The following GNL1 variants were observed in gnomAD, a reference collection of about 807,000 sequenced individuals.
GNL1 encodes the protein guanine nucleotide-binding protein-like 1.
In GNL1, 21 loss-of-function variants were observed where a neutral mutation model predicts 75.2. That is an observed-to-expected ratio of 0.28 (90% CI 0.20 to 0.40). GNL1 has a LOEUF of 0.40. Among genes scored for constraint, GNL1 ranks in the 10% least tolerant of loss-of-function variants. The pLI is 1.00. For synonymous variants in GNL1, 287 were observed against 303.4 expected (o/e 0.95, Z 0.56); for missense variants, 579 against 775.0 (o/e 0.75, Z 3.00).
chr6:30,547,669 C>A lies in GNL1; in HGVS notation c.1100-139G>T. The A allele has an allele frequency of 1.4e-6, 1 of 732,874 alleles. No homozygotes were observed. Among genetic ancestry groups the A allele is most frequent in the Non-Finnish European group, 2.2e-6 (1 of 448,094 alleles). 45.4% of individuals were successfully genotyped at this position (732,874 alleles called of 1,614,324 possible). ...TGCAGAATACAAATCACGCTCTGGG[C>A]TGCCAGGGTTAAATCCTGGCCCTTC... On this transcript the variant is annotated intron_variant, in intron 8 of 11. Transcript: ENST00000376621. This position sits in a 1 kb window ranked among gnomAD's most constrained non-coding sequence, Gnocchi z 5.5.
In GNL1 at chr6:30,546,301, G is replaced by A; in HGVS notation, c.1595C>T (p.Ser532Phe). 1 of 1,593,786 alleles carries A rather than the reference G, an allele frequency of 6.3e-7. No homozygotes were observed. The highest frequency in any genetic ancestry group is 8.5e-7 in the Non-Finnish European group (1 of 1,170,838). ...CACCAGCTCCGTGGTCTCTGGATGG[G>A]ACTCCCAGGTGCCTGGGGAACCAAA... ...GYSEQKGTWE[S>F]HPETTELVVL... The change falls in exon 12 of 12, where the codon TCC (serine) becomes TTC (phenylalanine). Residue 532 changes from serine (S) to phenylalanine (F), a missense_variant. Physicochemically the swap from Ser to Phe is radical, Grantham distance 155. Transcript: ENST00000376621. This position sits in a 1 kb window ranked among gnomAD's most constrained non-coding sequence, Gnocchi z 5.1.
intron 7 of GNL1, 83 bp downstream of exon 7, chr6:30,553,001 G>C (rs1206177070): frequency 2.1e-6 from 2 of 954,048 alleles, no homozygotes; most frequent in Non-Finnish European, 3.3e-6. Context: ...AGAGGGGTTG[G>C]CTTCAGGAAA....
rs771733546 is a variant in GNL1 at position 30,555,785 on chromosome 6, C to T, written c.74-65G>A. 14 of 1,521,558 alleles carry T rather than the reference C, an allele frequency of 9.2e-6. No individual in the cohort carries two copies. Among genetic ancestry groups the T allele is most frequent in the Non-Finnish European group, 1.3e-5 (14 of 1,108,014 alleles). 94.3% of individuals were successfully genotyped at this position (1,521,558 alleles called of 1,614,324 possible). A position where few individuals can be genotyped will look rare whatever the true frequency, so the allele number is the denominator to read the frequency against. Reference sequence around the variant, plus strand: ...TCAGGGGCCATAAGACCCTCTCCCCCATCGGCCTGACTCCCTTTCATCCCA... The same window carrying T: ...TCAGGGGCCATAAGACCCTCTCCCCTATCGGCCTGACTCCCTTTCATCCCA... On this transcript the variant is annotated intron_variant, in intron 1 of 11. Transcript: ENST00000376621. The surrounding 1 kb of genome is among the most constrained non-coding windows in gnomAD (Gnocchi z 4.3).
chr6:30,553,260 G>A (rs1483672150), intron 6 of GNL1, 81 bp from the exon 7 acceptor site: 3 of 1,430,408 alleles, frequency 2.1e-6, no homozygotes, highest in Non-Finnish European at 3.0e-6. Flanking sequence ...CCAAGACCAG[G>A]TGCCCCCTTG....
In GNL1 at chr6:30,549,318, A is replaced by G. The variant is rs560085630; in HGVS notation, c.1100-1788T>C. On this transcript the variant is annotated intron_variant, in intron 8 of 11. Transcript: ENST00000376621. The stretch of plus-strand genomic sequence containing the variant: ...CGGCCGCCACTCATCCTTCTTGATC[A>G]TAATCCTCTCCCTCTATACATGCAA... Among the ~76,000 whole-genome samples, 6 of 152,224 alleles carry G rather than the reference A, an allele frequency of 3.9e-5. No individual in the cohort carries two copies. In the South Asian group the frequency reaches 1.2e-3, roughly 32 times the overall value.
intron 8 of GNL1, among the ~76,000 whole-genome samples, chr6:30,549,572 G>A (rs757963479): frequency 9.9e-5 from 15 of 152,054 alleles, no homozygotes; most frequent in South Asian, 2.1e-4. Context: ...CTGAAACCAC[G>A]GATCTTCACA....
chr6:30,546,800 G>A lies in GNL1; in HGVS notation c.1478C>T (p.Ala493Val), dbSNP rs141407258. 1,422 of 1,593,386 alleles carry A rather than the reference G, an allele frequency of 8.9e-4. 3 individuals are homozygous for A. The highest frequency in any genetic ancestry group is 1.2e-3 in the Middle Eastern group (7 of 5,930). The part of the protein sequence containing the change: ...AEKRGYKTAK[A>V]ARNDVYRAAN... ...TGCTCTGTACACATCATTCCGAGCC[G>A]CCTTGGCTGTCTTGTAACCACGTTT... Residue 493 changes from alanine (A) to valine (V), a missense_variant, in exon 11 of 12, where the codon GCG becomes GTG. Coordinates refer to ENST00000376621, the MANE Select transcript of GNL1 (RefSeq NM_005275.5). The surrounding 1 kb of genome is among the most constrained non-coding windows in gnomAD (Gnocchi z 5.1).
chr6:30,556,468 G>C lies in GNL1; in HGVS notation c.-265C>G, dbSNP rs538491832. The C allele has an allele frequency of 3.6e-6, 2 of 559,434 alleles. No homozygotes were observed. The highest frequency in any genetic ancestry group is 3.2e-6 in the Non-Finnish European group (1 of 313,822). The allele number at this position is 559,434 out of a possible 1,614,324, so 34.7% of individuals were successfully genotyped here. A position where few individuals can be genotyped will look rare whatever the true frequency, so the allele number is the denominator to read the frequency against. On this transcript the variant is annotated 5_prime_UTR_variant, in exon 1 of 12. Coordinates refer to ENST00000376621, the MANE Select transcript of GNL1 (RefSeq NM_005275.5). The surrounding 1 kb of genome is among the most constrained non-coding windows in gnomAD (Gnocchi z 5.7). ...CACGTGAGAGCCAGTGGCACCGAGAGGGCGCCCCGGCGGCGAGGAAGGAGG... is the reference window on the plus strand; with the variant it reads ...CACGTGAGAGCCAGTGGCACCGAGACGGCGCCCCGGCGGCGAGGAAGGAGG...
intron 8 of GNL1, among the ~76,000 whole-genome samples, chr6:30,549,298 G>A (rs539895153): frequency 6.6e-6 from 1 of 151,998 alleles, no homozygotes; most frequent in Admixed American, 6.6e-5. Context: ...CATACCGGCC[G>A]CCACTCATCC....
intron 5 of GNL1, 26 bp from the exon 6 acceptor site, chr6:30,553,583 G>A (rs1229754106): frequency 1.3e-6 from 2 of 1,555,742 alleles, no homozygotes; most frequent in East Asian, 4.5e-5. Context: ...TAAGAGGATG[G>A]AGCAGTGAAA....
In GNL1 at chr6:30,555,325, C is replaced by G; in HGVS notation, c.240-134G>C. The G allele has an allele frequency of 9.3e-7, 1 of 1,070,610 alleles. No individual in the cohort carries two copies. The highest frequency in any genetic ancestry group is 1.4e-6 in the Non-Finnish European group (1 of 728,668). 66.3% of individuals were successfully genotyped at this position (1,070,610 alleles called of 1,614,324 possible). On this transcript the variant is annotated intron_variant, in intron 2 of 11. Coordinates refer to ENST00000376621, the MANE Select transcript of GNL1 (RefSeq NM_005275.5). The surrounding 1 kb of genome is among the most constrained non-coding windows in gnomAD (Gnocchi z 4.3). ...AAGTCTCCTCTCTCAAGTCAGACTT[C>G]CCCCAAGTCCTTCTTTCAGGCAATA... is the stretch of plus-strand genomic sequence containing the variant.
At position 30,546,338 on chromosome 6, in the gene GNL1, A is replaced by C; in HGVS notation, c.1583-25T>G. Reference sequence around the variant, plus strand: ...CCTGGGGAACCAAAACAAGAAAAAAATGGAGGAGAGTTTTGAGCAAGAACT... The same window carrying C: ...CCTGGGGAACCAAAACAAGAAAAAACTGGAGGAGAGTTTTGAGCAAGAACT... On this transcript the variant is annotated intron_variant, in intron 11 of 11. Transcript: ENST00000376621. This position sits in a 1 kb window ranked among gnomAD's most constrained non-coding sequence, Gnocchi z 5.1. 6.7e-7 allele frequency: 1 copy of C among 1,498,480 alleles called. No individual in the cohort carries two copies. Among genetic ancestry groups the C allele is most frequent in the Non-Finnish European group, 9.2e-7 (1 of 1,089,382 alleles). 92.8% of individuals were successfully genotyped at this position (1,498,480 alleles called of 1,614,324 possible).
In GNL1 at chr6:30,554,644, T is replaced by C; in HGVS notation, c.531A>G (p.Thr177=). The C allele has an allele frequency of 6.2e-7, 1 of 1,607,002 alleles. No individual in the cohort carries two copies. The highest frequency in any genetic ancestry group is 8.5e-7 in the Non-Finnish European group (1 of 1,174,500). ...KLSYFEHNLE[T]WRQLWRVLEM... ...CTAACACCCGCCACAGCTGCCTCCA[T>C]GTCTAAAAAGACAGGATCAGGAAGA... is the stretch of plus-strand genomic sequence containing the variant. Residue 177 remains threonine (T), a splice_region_variant and synonymous_variant, in exon 5 of 12, where the codon ACA becomes ACG. Coordinates refer to ENST00000376621, the MANE Select transcript of GNL1 (RefSeq NM_005275.5).
chr6:30,555,431 TG>T lies in GNL1; in HGVS notation c.239+123del. 9.6e-7 allele frequency: 1 copy of T among 1,044,012 alleles called. No homozygotes were observed. The highest frequency in any genetic ancestry group is 1.4e-6 in the Non-Finnish European group (1 of 709,314). The allele number at this position is 1,044,012 out of a possible 1,614,324, so 64.7% of individuals were successfully genotyped here. On this transcript the variant is annotated intron_variant, in intron 2 of 11. Transcript: ENST00000376621. This position sits in a 1 kb window ranked among gnomAD's most constrained non-coding sequence, Gnocchi z 4.3. The stretch of plus-strand genomic sequence containing the variant: ...CTGTGGCCCGCTGTGGGGAGCCGAG[TG>T]GCTAGCGGAGAACTGTGGCATCCCA...
At position 30,546,675 on chromosome 6, in the gene GNL1, G is replaced by A. The variant is rs1799473082; in HGVS notation, c.1582+21C>T. 6.3e-7 allele frequency: 1 copy of A among 1,582,608 alleles called. No individual in the cohort carries two copies. The highest frequency in any genetic ancestry group is 8.6e-7 in the Non-Finnish European group (1 of 1,158,766). ...ACCTACGCTATAGCAGGGGGCTGGG[G>A]AAGAATATCTGGGCTCTGACCTTTC... is the stretch of plus-strand genomic sequence containing the variant. On this transcript the variant is annotated intron_variant, in intron 11 of 11. Transcript: ENST00000376621. The surrounding 1 kb of genome is among the most constrained non-coding windows in gnomAD (Gnocchi z 5.1).
At chr6:30,551,480 C>T (rs376083171) in intron 8 of GNL1, among the ~76,000 whole-genome samples, 2 of 152,152 alleles carry the variant, frequency 1.3e-5, no homozygotes, top group Non-Finnish European at 2.9e-5. Flanking sequence ...AATATCACCT[C>T]AGATACCATA....
At chr6:30,551,913 A>G (rs1703300726) in intron 8 of GNL1, among the ~76,000 whole-genome samples, 1 of 152,068 alleles carries the variant, frequency 6.6e-6, no homozygotes, top group Non-Finnish European at 1.5e-5. Flanking sequence ...GCCAGGCTGG[A>G]GTGCAGTGGC....
At position 30,547,582 on chromosome 6, in the gene GNL1, G is replaced by A; in HGVS notation, c.1100-52C>T. 1 of 1,472,412 alleles carries A rather than the reference G, an allele frequency of 6.8e-7. No individual in the cohort carries two copies. Among genetic ancestry groups the A allele is most frequent in the Non-Finnish European group, 9.5e-7 (1 of 1,053,408 alleles). 91.2% of individuals were successfully genotyped at this position (1,472,412 alleles called of 1,614,324 possible). ...TTAACAGGTTTCTACTCTGTGATGG[G>A]ACTTGGTGCTATACCTATAGGTAAA... On this transcript the variant is annotated intron_variant, in intron 8 of 11. Transcript: ENST00000376621. This position sits in a 1 kb window ranked among gnomAD's most constrained non-coding sequence, Gnocchi z 5.5.
Position 30,546,316 on chromosome 6 carries a change from G to T in GNL1, c.1583-3C>A, listed in dbSNP as rs1799447714. 1 of 1,586,566 alleles carries T rather than the reference G, an allele frequency of 6.3e-7. No homozygotes were observed. The highest frequency in any genetic ancestry group is 8.6e-7 in the Non-Finnish European group (1 of 1,165,894). On this transcript the variant is annotated splice_region_variant and splice_polypyrimidine_tract_variant and intron_variant, in intron 11 of 11. Coordinates refer to ENST00000376621, the MANE Select transcript of GNL1 (RefSeq NM_005275.5). The surrounding 1 kb of genome is among the most constrained non-coding windows in gnomAD (Gnocchi z 5.1). ...CTCTGGATGGGACTCCCAGGTGCCTGGGGAACCAAAACAAGAAAAAAATGG... is the reference window on the plus strand; with the variant it reads ...CTCTGGATGGGACTCCCAGGTGCCTTGGGAACCAAAACAAGAAAAAAATGG...
Sources: gnomAD v4.1 joint callset for allele counts (sites outside exome capture counted in the v4.1 genomes callset) on GRCh38, gnomAD v4.1.1 for gene constraint, Gnocchi (gnomAD v3.1) non-coding constraint, MANE v1.5 for transcripts, NCBI Gene and HGNC (gene_info 2026-07-23, HGNC 2026-07-21) for gene names.